Variants in PTPRC observed in about 807,000 individuals in gnomAD.
The protein encoded by PTPRC is receptor-type tyrosine-protein phosphatase C.
PTPRC carries 44 observed loss-of-function variants against 155.9 expected under a neutral mutation model. The ratio of observed to expected loss-of-function variants is 0.28; its 90% CI spans 0.22 to 0.36. The LOEUF (loss-of-function observed/expected upper bound fraction) is 0.36. PTPRC is among the 10% of genes least tolerant of loss of function. PTPRC has a pLI of 1.00. For synonymous variants in PTPRC, 525 were observed against 533.1 expected (o/e 0.98, Z 0.21); for missense variants, 1,401 against 1,564.6 (o/e 0.90, Z 1.76).
intron 2 of PTPRC, among the ~76,000 whole-genome samples, chr1:198,687,604 T>TG (rs201977552): frequency 0.017 from 2,436 of 147,008 alleles, 61 homozygotes; most frequent in African/African-American, 0.057. Context: ...ATTAGATGAC[T>TG]GGGGGGGCGG....
At chr1:198,699,814 A>G (rs1039691866) in intron 5 of PTPRC, 110 bp downstream of exon 5, 1 of 1,444,464 alleles carries the variant, frequency 6.9e-7, no homozygotes, top group African/African-American at 1.4e-5. Flanking sequence ...AGCTATTGCT[A>G]GTTGATGAAT....
chr1:198,752,824 C>T (rs897702640), intron 31 of PTPRC, 52 bp downstream of exon 31: 17 of 1,569,124 alleles, frequency 1.1e-5, no homozygotes, highest in African/African-American at 4.1e-5. Flanking sequence ...CTTGACTTCT[C>T]GGTTCACATG....
intron 2 of PTPRC, among the ~76,000 whole-genome samples, chr1:198,647,439 G>A (rs1287710539): frequency 6.6e-6 from 1 of 151,748 alleles, no homozygotes; most frequent in East Asian, 1.9e-4. Context: ...AAACAATTTT[G>A]ATTCTGTCCT....
intron 2 of PTPRC, among the ~76,000 whole-genome samples, chr1:198,656,630 G>A (rs1397905508): frequency 6.8e-6 from 1 of 146,528 alleles, no homozygotes; most frequent in Non-Finnish European, 1.5e-5. Flanking sequence ...ACACATCACA[G>A]GGCTACTAGT....
chr1:198,642,082 A>T (rs1357305224), intron 2 of PTPRC, among the ~76,000 whole-genome samples: 1 of 152,002 alleles, frequency 6.6e-6, no homozygotes, highest in East Asian at 1.9e-4. Context: ...TCATTGCTAA[A>T]GTTTGAAATG....
At chr1:198,655,443 T>C (rs888824306) in intron 2 of PTPRC, among the ~76,000 whole-genome samples, 2 of 152,078 alleles carry the variant, frequency 1.3e-5, no homozygotes, top group Non-Finnish European at 2.9e-5. Context: ...TGAGGGAACT[T>C]GGTCTAGAAT....
intron 8 of PTPRC, among the ~76,000 whole-genome samples, 196 bp downstream of exon 8, chr1:198,704,694 G>A (rs941663685): frequency 2.0e-5 from 3 of 152,170 alleles, no homozygotes; most frequent in Admixed American, 6.5e-5. Flanking sequence ...TAGACACTGG[G>A]AAATACAAGA....
chr1:198,747,889 T>C (rs1462047767), intron 26 of PTPRC, among the ~76,000 whole-genome samples: 1 of 151,896 alleles, frequency 6.6e-6, no homozygotes, highest in Non-Finnish European at 1.5e-5. Flanking sequence ...GTCTGTTACA[T>C]ATATATCTTT....
intron 12 of PTPRC, among the ~76,000 whole-genome samples, chr1:198,715,929 T>A (rs1320004300): frequency 6.6e-6 from 1 of 152,184 alleles, no homozygotes; most frequent in Non-Finnish European, 1.5e-5. Flanking sequence ...GCTGGTGATT[T>A]TTTTACTTAA....
Position 198,737,648 on chromosome 1 carries a change from C to G in PTPRC, c.2403+2396C>G, listed in dbSNP as rs139698757. ...CAGGATGGCTTTGGCTATTCTGGGTCTTTTGTGGTTTCATATAAATATTAG... is the reference window on the plus strand; with the variant it reads ...CAGGATGGCTTTGGCTATTCTGGGTGTTTTGTGGTTTCATATAAATATTAG... On this transcript the variant is annotated intron_variant, in intron 23 of 32. Transcript: ENST00000442510. Among the ~76,000 whole-genome samples the G allele has an allele frequency of 2.0e-3, 302 of 151,656 alleles. 1 individual carries two copies. The highest frequency in any genetic ancestry group is 6.8e-3 in the African/African-American group (281 of 41,432).
intron 30 of PTPRC, 73 bp from the exon 31 acceptor site, chr1:198,752,521 A>G (rs1297045882): frequency 2.3e-5 from 35 of 1,538,218 alleles, no homozygotes; most frequent in Non-Finnish European, 3.0e-5. Flanking sequence ...AACTGTGAAG[A>G]AAATATGACT....
chr1:198,682,153 C>T (rs1665370385), intron 2 of PTPRC, among the ~76,000 whole-genome samples: 1 of 152,242 alleles, frequency 6.6e-6, no homozygotes, highest in African/African-American at 2.4e-5. Context: ...CATTGAAAAC[C>T]TCTTCTATTT....
At chr1:198,671,119 A>T (rs1272127715) in intron 2 of PTPRC, among the ~76,000 whole-genome samples, 5 of 145,710 alleles carry the variant, frequency 3.4e-5, no homozygotes, top group Non-Finnish European at 7.6e-5. Flanking sequence ...TTTGAAATGT[A>T]AAAAAAAAAA....
rs904835744 is a variant in PTPRC at position 198,675,345 on chromosome 1, A to G, written c.74-17002A>G. ...GTATTTATTATAGAAAAAATTCCCA[A>G]AACTTTCTCATTAAATGTGCTTTAT... is the stretch of plus-strand genomic sequence containing the variant. On this transcript the variant is annotated intron_variant, in intron 2 of 32. Transcript: ENST00000442510. 2.0e-5 allele frequency among the ~76,000 whole-genome samples: 3 copies of G among 152,138 alleles called. No individual in the cohort carries two copies. In the Middle Eastern group the frequency reaches 9.5e-3, roughly 481 times the overall value.
chr1:198,731,847 G>A, intron 18 of PTPRC, 121 bp downstream of exon 18: 1 of 789,070 alleles, frequency 1.3e-6, no homozygotes, highest in South Asian at 1.4e-5. Flanking sequence ...CATAAGCAAA[G>A]TAGATATTAT....
chr1:198,639,371 A>G (rs747635998), intron 2 of PTPRC, 30 bp downstream of exon 2: 1 of 1,517,972 alleles, frequency 6.6e-7, no homozygotes, highest in Admixed American at 1.7e-5. Context: ...TATTTTTTAA[A>G]TTATTTTTTC....
At chr1:198,712,754 C>T (rs1653377767) in intron 11 of PTPRC, 199 bp from the exon 12 acceptor site, 1 of 609,054 alleles carries the variant, frequency 1.6e-6, no homozygotes. Context: ...TTCACAGTGC[C>T]AATCTGGTGT....
chr1:198,752,097 A>AT, intron 29 of PTPRC, 152 bp from the exon 30 acceptor site: 1 of 899,224 alleles, frequency 1.1e-6, no homozygotes, highest in Non-Finnish European at 1.7e-6. Flanking sequence ...TAGATTCTGG[A>AT]TTTTTATAAG....
chr1:198,666,072 T>C (rs1664286555), intron 2 of PTPRC, among the ~76,000 whole-genome samples: 4 of 151,832 alleles, frequency 2.6e-5, no homozygotes, highest in African/African-American at 7.3e-5. Context: ...AAATCCCATC[T>C]CTACAAAAAA....
Sources: gnomAD v4.1 joint callset for allele counts (sites outside exome capture counted in the v4.1 genomes callset) on GRCh38, gnomAD v4.1.1 for gene constraint, MANE v1.5 for transcripts, NCBI Gene and HGNC (gene_info 2026-07-23, HGNC 2026-07-21) for gene names.